GPBP1: variants seen among roughly 807,000 people sequenced by gnomAD.
GPBP1 encodes vasculin.
In GPBP1, 13 loss-of-function variants were observed where a neutral mutation model predicts 56.5. The observed-to-expected ratio is 0.23, with a 90% CI of 0.15 to 0.37. The LOEUF (loss-of-function observed/expected upper bound fraction) is 0.37, where lower values mean the gene tolerates loss of function less well. Among genes scored for constraint, GPBP1 ranks in the 10% least tolerant of loss-of-function variants. GPBP1 has a pLI of 1.00. For missense variants in GPBP1, 477 were observed against 572.3 expected (o/e 0.83, Z 1.70); for synonymous variants, 204 against 188.9 (o/e 1.08, Z -0.66).
chr5:57,226,068 T>TG (rs1409270849), intron 3 of GPBP1, among the ~76,000 whole-genome samples: 2 of 152,214 alleles, frequency 1.3e-5, no homozygotes, highest in Non-Finnish European at 2.9e-5. Context: ...CAACAGATCT[T>TG]GGAGTGACCT....
intron 2 of GPBP1, among the ~76,000 whole-genome samples, chr5:57,190,397 C>A (rs1754468579): frequency 1.3e-5 from 2 of 151,818 alleles, no homozygotes; most frequent in South Asian, 4.2e-4. Flanking sequence ...CCAGCCTGGC[C>A]AACACGGTGA....
chr5:57,243,148 A>G (rs931035565), intron 6 of GPBP1, among the ~76,000 whole-genome samples: 4 of 149,834 alleles, frequency 2.7e-5, no homozygotes, highest in African/African-American at 4.9e-5. Flanking sequence ...GCTCACTGCA[A>G]CCTCCACCTC....
intron 5 of GPBP1, among the ~76,000 whole-genome samples, chr5:57,231,528 C>G (rs530672668): frequency 6.6e-6 from 1 of 152,322 alleles, no homozygotes; most frequent in East Asian, 1.9e-4. Flanking sequence ...CTACCTCAGC[C>G]TCCCAAAGTG....
rs1224008959 is a variant in GPBP1 at position 57,247,099 on chromosome 5, A to T, written c.688A>T (p.Lys230Ter). ...GCCTACACAATGGAAAAGCCAAACA[A>T]AAGAAAATAAAGTTGGAACTTCTTT... ...TKPTQWKSQTKENKVGTSFPH... is the reference protein window; with the variant it reads ...TKPTQWKSQT Residue 230 changes from lysine to a stop codon, truncating the protein, a stop_gained, in exon 8 of 12, where the codon AAA (lysine) becomes TAA (stop). Transcript: ENST00000506184. LOFTEE classifies it high-confidence loss of function. The T allele has an allele frequency of 6.2e-7, 1 of 1,613,236 alleles. No individual in the cohort carries two copies. The highest frequency in any genetic ancestry group is 8.5e-7 in the Non-Finnish European group (1 of 1,179,712).
intron 10 of GPBP1, among the ~76,000 whole-genome samples, chr5:57,258,996 A>G (rs1026353664): frequency 2.0e-5 from 3 of 152,350 alleles, no homozygotes; most frequent in African/African-American, 7.2e-5. Context: ...GTCTAGATTT[A>G]ATAGTCTCTG....
At chr5:57,261,392 T>G (rs546915941) in intron 11 of GPBP1, 110 bp downstream of exon 11, 7 of 649,404 alleles carry the variant, frequency 1.1e-5, no homozygotes, top group African/African-American at 7.4e-5. Flanking sequence ...TCACGATAGG[T>G]CAGAATTGCT....
intron 3 of GPBP1, among the ~76,000 whole-genome samples, chr5:57,226,553 CTTTTTTTTTTTTTT>C (rs34180383): frequency 1.6e-5 from 1 of 62,124 alleles, no homozygotes; most frequent in African/African-American, 6.6e-5. Context: ...AGCATTTTTG[CTTTTTTTTTTTTTT>C]TTTTTTTTTT....
At chr5:57,174,907 G>C (rs2111679586) in intron 1 of GPBP1, among the ~76,000 whole-genome samples, 1 of 152,332 alleles carries the variant, frequency 6.6e-6, no homozygotes. Flanking sequence ...GAGAATTTAA[G>C]AAGCGGGTTT....
chr5:57,248,634 C>G (rs1362600174), intron 8 of GPBP1, among the ~76,000 whole-genome samples: 1 of 151,948 alleles, frequency 6.6e-6, no homozygotes, highest in East Asian at 1.9e-4. Context: ...CGGGGTTTCA[C>G]CGTTTTAGCC....
intron 2 of GPBP1, among the ~76,000 whole-genome samples, 171 bp from the exon 3 acceptor site, chr5:57,213,903 A>T (rs192179556): frequency 6.6e-6 from 1 of 152,346 alleles, no homozygotes; most frequent in Admixed American, 6.5e-5. Flanking sequence ...TCTTTCTTGC[A>T]GTCATCCCCC....
chr5:57,249,419 C>T lies in GPBP1; in HGVS notation c.815C>T (p.Ser272Leu). 5 of 1,596,472 alleles carry T rather than the reference C, an allele frequency of 3.1e-6. No homozygotes were observed. The highest frequency in any genetic ancestry group is 4.3e-6 in the Non-Finnish European group (5 of 1,174,098). The change falls in exon 9 of 12, where the codon TCA becomes TTA. Residue 272 changes from serine (S) to leucine (L), a missense_variant. Transcript: ENST00000506184. Reference sequence around the variant, plus strand: ...TGAATTTCCTCTTAGTGTAATCGCTCAAATTCCTCTTCTCCTGTTGACAAA... The same window carrying T: ...TGAATTTCCTCTTAGTGTAATCGCTTAAATTCCTCTTCTCCTGTTGACAAA... ...STNSVKECNRSNSSSPVDKLN... is the reference protein window; with the variant it reads ...STNSVKECNRLNSSSPVDKLN...
At chr5:57,224,069 A>C (rs1046268643) in intron 3 of GPBP1, among the ~76,000 whole-genome samples, 6 of 151,420 alleles carry the variant, frequency 4.0e-5, no homozygotes, top group African/African-American at 1.5e-4. Flanking sequence ...TCCTGACCTC[A>C]TGATCCGCCC....
intron 10 of GPBP1, among the ~76,000 whole-genome samples, chr5:57,251,951 AT>A: frequency 6.6e-6 from 1 of 152,262 alleles, no homozygotes; most frequent in South Asian, 2.1e-4. Context: ...TTGGCCATTT[AT>A]CCTCTTAGGA....
At position 57,246,474 on chromosome 5, in the gene GPBP1, C is replaced by T; in HGVS notation, c.653C>T (p.Pro218Leu). ...GGTTTAGTCCCTAAACCTGCTGCTC[C>T]ACCTACAAAAGTAAGTTCTAAATTA... is the stretch of plus-strand genomic sequence containing the variant. ...YKGLVPKPAA[P>L]PTKPTQWKSQ... The change falls in exon 7 of 12, where the codon CCA (proline) becomes CTA (leucine). Residue 218 changes from proline to leucine, a missense_variant. Physicochemically the swap from Pro to Leu is moderately conservative, Grantham distance 98. Coordinates refer to ENST00000506184, the MANE Select transcript of GPBP1 (RefSeq NM_022913.4). 2 of 1,593,492 alleles carry T rather than the reference C, an allele frequency of 1.3e-6. No individual in the cohort carries two copies. Among genetic ancestry groups the T allele is most frequent in the Non-Finnish European group, 1.7e-6 (2 of 1,171,542 alleles).
At chr5:57,184,797 A>G (rs571583512) in intron 2 of GPBP1, among the ~76,000 whole-genome samples, 5 of 152,328 alleles carry the variant, frequency 3.3e-5, no homozygotes, top group African/African-American at 4.8e-5. Context: ...CAGTCCCTGT[A>G]AAGTCCCAGT....
chr5:57,211,935 TA>T (rs145212816), intron 2 of GPBP1, among the ~76,000 whole-genome samples: 15,281 of 151,402 alleles, frequency 0.1, 989 homozygotes, highest in Non-Finnish European at 0.15. Context: ...CAATTTTAAT[TA>T]AAAAAAAATT....
intron 2 of GPBP1, among the ~76,000 whole-genome samples, chr5:57,209,250 T>TC (rs755309864): frequency 4.6e-5 from 7 of 152,182 alleles, no homozygotes; most frequent in Non-Finnish European, 8.8e-5. Flanking sequence ...GATCATGTAA[T>TC]CTGTGAATAG....
chr5:57,246,069 C>T (rs1387592359), intron 6 of GPBP1: 1 of 366,816 alleles, frequency 2.7e-6, no homozygotes, highest in African/African-American at 2.1e-5. Context: ...CAGAATTTAT[C>T]TGTATTACTT....
chr5:57,218,309 A>ACTC (rs1308644051), intron 3 of GPBP1, among the ~76,000 whole-genome samples: 1 of 152,006 alleles, frequency 6.6e-6, no homozygotes, highest in Non-Finnish European at 1.5e-5. Flanking sequence ...AGTCACCAGT[A>ACTC]CTCCTCACTG....
Sources: allele counts gnomAD v4.1 joint callset (sites outside exome capture counted in the v4.1 genomes callset), GRCh38; gene constraint gnomAD v4.1.1; transcripts MANE v1.5; gene names NCBI Gene and HGNC (gene_info 2026-07-23, HGNC 2026-07-21).